CATSPERE: variants seen among roughly 807,000 people sequenced by gnomAD.
CATSPERE encodes cation channel sperm-associated auxiliary subunit epsilon.
In CATSPERE, 93 loss-of-function variants were observed where a neutral mutation model predicts 114.1. The observed-to-expected ratio is 0.81, with a 90% confidence interval of 0.69 to 0.97. The LOEUF is 0.97. CATSPERE is among the 50% of genes least tolerant of loss of function. The pLI is 0.00. For missense variants in CATSPERE, 1,058 were observed against 1,131.6 expected, an observed-to-expected ratio of 0.93 and a Z score of 0.93; for synonymous variants, 341 against 384.1, an observed-to-expected ratio of 0.89 and a Z score of 1.31.
At chr1:244,544,195 T>C (rs929554871) in intron 8 of CATSPERE, among the ~76,000 whole-genome samples, 3 of 152,186 alleles carry the variant, frequency 2.0e-5, no homozygotes, top group African/African-American at 7.2e-5. Context: ...AAAATTTATG[T>C]TGTTAATCTT....
At chr1:244,564,477 A>C (rs1663103031) in intron 10 of CATSPERE, among the ~76,000 whole-genome samples, 1 of 152,112 alleles carries the variant, frequency 6.6e-6, no homozygotes, top group South Asian at 2.1e-4. Context: ...ATCCCTTGTA[A>C]GTTGTATTCC....
intron 8 of CATSPERE, among the ~76,000 whole-genome samples, chr1:244,539,893 T>C (rs1179597837): frequency 6.7e-6 from 1 of 149,578 alleles, no homozygotes; most frequent in Non-Finnish European, 1.5e-5. Context: ...GCTAGTGGTC[T>C]ATCAATTTTG....
chr1:244,588,549 A>G lies in CATSPERE; in HGVS notation c.2138+15A>G. 6.3e-7 allele frequency: 1 copy of G among 1,585,100 alleles called. No homozygotes were observed. Among genetic ancestry groups the G allele is most frequent in the African/African-American group, 1.3e-5 (1 of 74,456 alleles). On this transcript the variant is annotated intron_variant, in intron 14 of 21. Coordinates refer to ENST00000366534, the MANE Select transcript of CATSPERE (RefSeq NM_001130957.2). Reference sequence around the variant, plus strand: ...GCAATTAAAGGGTAAGTATATTTCCATTTGACCTGTGTTACTCTTTAAGTT... The same window carrying G: ...GCAATTAAAGGGTAAGTATATTTCCGTTTGACCTGTGTTACTCTTTAAGTT...
At chr1:244,557,490 A>G (rs1330777207) in intron 9 of CATSPERE, among the ~76,000 whole-genome samples, 1 of 131,380 alleles carries the variant, frequency 7.6e-6, no homozygotes, top group Non-Finnish European at 1.6e-5. Context: ...TCTTTTATAT[A>G]TTTATTTATA....
chr1:244,590,880 A>G (rs1667634204), intron 14 of CATSPERE, among the ~76,000 whole-genome samples: 1 of 152,182 alleles, frequency 6.6e-6, no homozygotes, highest in Non-Finnish European at 1.5e-5. Flanking sequence ...GGCTTTTGTG[A>G]ATAGTGCAGC....
Position 244,461,285 on chromosome 1 carries a change from C to A in CATSPERE, c.-145C>A. ...CACGCGCACGCGCACACTTCTCCCTCGCTGGTCTTCAGGCCCGGCCCGCCC... is the reference window on the plus strand; with the variant it reads ...CACGCGCACGCGCACACTTCTCCCTAGCTGGTCTTCAGGCCCGGCCCGCCC... On this transcript the variant is annotated 5_prime_UTR_variant, in exon 1 of 22. Coordinates refer to ENST00000366534, the MANE Select transcript of CATSPERE (RefSeq NM_001130957.2). 1 of 617,952 alleles carries A rather than the reference C, an allele frequency of 1.6e-6. No individual in the cohort carries two copies. The highest frequency in any genetic ancestry group is 2.3e-6 in the Non-Finnish European group (1 of 426,164). The allele number at this position is 617,952 out of a possible 1,614,324, so 38.3% of individuals were successfully genotyped here.
chr1:244,524,650 C>CA (rs1246353187), intron 8 of CATSPERE, among the ~76,000 whole-genome samples: 2 of 151,404 alleles, frequency 1.3e-5, no homozygotes, highest in African/African-American at 4.9e-5. Context: ...AAGAAAAAAA[C>CA]AAACAACCCC....
intron 19 of CATSPERE, among the ~76,000 whole-genome samples, chr1:244,612,830 AT>A (rs1670913479): frequency 6.6e-6 from 1 of 152,076 alleles, no homozygotes; most frequent in Non-Finnish European, 1.5e-5. Flanking sequence ...CGGCCAGGAG[AT>A]TTGTTTTCTA....
chr1:244,574,245 C>T (rs563185767), intron 11 of CATSPERE, among the ~76,000 whole-genome samples: 29 of 152,116 alleles, frequency 1.9e-4, no homozygotes, highest in African/African-American at 4.6e-4. Flanking sequence ...GCATAGACTG[C>T]GAACTGGAAC....
At chr1:244,499,317 C>A (rs1238519864) in intron 7 of CATSPERE, among the ~76,000 whole-genome samples, 4 of 151,714 alleles carry the variant, frequency 2.6e-5, no homozygotes, top group Non-Finnish European at 5.9e-5. Flanking sequence ...TTTCTTTTTT[C>A]TTTTTATTTA....
intron 9 of CATSPERE, among the ~76,000 whole-genome samples, chr1:244,557,484 TTATA>T (rs1395939180): frequency 3.8e-4 from 52 of 135,636 alleles, no homozygotes; most frequent in African/African-American, 1.3e-3. Context: ...TTTTATTCTT[TTATA>T]TATTTATTTA....
intron 10 of CATSPERE, among the ~76,000 whole-genome samples, chr1:244,562,464 G>A (rs1662723813): frequency 6.6e-6 from 1 of 152,062 alleles, no homozygotes; most frequent in African/African-American, 2.4e-5. Context: ...TAGAATTCCT[G>A]AATCAGAGAT....
intron 2 of CATSPERE, among the ~76,000 whole-genome samples, chr1:244,475,497 G>A (rs1020137708): frequency 6.6e-6 from 1 of 150,470 alleles, no homozygotes; most frequent in African/African-American, 2.5e-5. Context: ...GCCTCCCAAA[G>A]TGCTGGGATT....
At chr1:244,523,891 T>C (rs1678050644) in intron 8 of CATSPERE, among the ~76,000 whole-genome samples, 2 of 147,908 alleles carry the variant, frequency 1.4e-5, no homozygotes, top group East Asian at 2.0e-4. Flanking sequence ...AGAATCAATA[T>C]CGTGAAAATG....
At chr1:244,557,532 CATATATATATATATAT>C (rs61291602) in intron 9 of CATSPERE, among the ~76,000 whole-genome samples, 1,534 of 40,560 alleles carry the variant, frequency 0.038, 71 homozygotes, top group East Asian at 0.071. Flanking sequence ...TTGAAATATT[CATATATATATATATAT>C]ATATATATAT....
intron 4 of CATSPERE, among the ~76,000 whole-genome samples, chr1:244,478,214 C>T (rs978751233): frequency 2.6e-5 from 4 of 151,978 alleles, no homozygotes; most frequent in Admixed American, 1.3e-4. Flanking sequence ...CTTTTTATTA[C>T]TAAGTATGTT....
chr1:244,582,945 AT>A (rs1666428811), intron 12 of CATSPERE, among the ~76,000 whole-genome samples: 446 of 5,294 alleles, frequency 0.084, 24 homozygotes, highest in African/African-American at 0.15. Flanking sequence ...ATATATATAT[AT>A]ATATATATAT....
intron 1 of CATSPERE, 115 bp downstream of exon 1, chr1:244,461,609 C>T (rs1173148891): frequency 2.3e-5 from 18 of 787,098 alleles, no homozygotes; most frequent in Non-Finnish European, 2.3e-5. Context: ...CCTGGCCGAC[C>T]ACTGCCTCGT....
chr1:244,560,049 G>C (rs954820608), intron 9 of CATSPERE, among the ~76,000 whole-genome samples: 2 of 152,056 alleles, frequency 1.3e-5, no homozygotes, highest in Non-Finnish European at 2.9e-5. Flanking sequence ...CTGGAGTGCA[G>C]TGGCATGATC....
Sources: gnomAD v4.1 joint callset for allele counts (sites outside exome capture counted in the v4.1 genomes callset) on GRCh38, gnomAD v4.1.1 for gene constraint, MANE v1.5 for transcripts, NCBI Gene and HGNC (gene_info 2026-07-23, HGNC 2026-07-21) for gene names.